Variants in SYTL3 observed in about 807,000 individuals in gnomAD.
SYTL3 encodes the protein synaptotagmin-like protein 3.
SYTL3 carries 88 observed loss-of-function variants against 82.1 expected under a neutral mutation model. That is an observed-to-expected ratio of 1.07 (90% CI 0.90 to 1.28). SYTL3 has a LOEUF of 1.28. SYTL3 is among the 50% of genes most tolerant of loss of function. The pLI is 0.00. For synonymous variants in SYTL3, 311 were observed against 289.4 expected, an observed-to-expected ratio of 1.07 and a Z score of -0.76; for missense variants, 831 against 757.6, an observed-to-expected ratio of 1.10 and a Z score of -1.14.
chr6:158,671,334 A>C (rs893254592), intron 5 of SYTL3, among the ~76,000 whole-genome samples: 1 of 152,148 alleles, frequency 6.6e-6, no homozygotes, highest in South Asian at 2.1e-4. Context: ...TCTTTTGTTA[A>C]TATTCTCTGT....
intron 2 of SYTL3, among the ~76,000 whole-genome samples, chr6:158,658,578 G>T (rs1788981297): frequency 6.6e-6 from 1 of 152,090 alleles, no homozygotes; most frequent in Non-Finnish European, 1.5e-5. Context: ...ATACCTCTTG[G>T]ATCGTTGCAA....
At chr6:158,720,144 G>A (rs1783910972) in intron 10 of SYTL3, among the ~76,000 whole-genome samples, 1 of 151,994 alleles carries the variant, frequency 6.6e-6, no homozygotes, top group African/African-American at 2.4e-5. Context: ...GCTCATGCCT[G>A]TAATCCCAGC....
rs117726273 is a variant in SYTL3, at chr6:158,718,762, C to T, written c.720+551C>T. Among the ~76,000 whole-genome samples, 58 of 152,326 alleles carry T rather than the reference C, an allele frequency of 3.8e-4. No homozygotes were observed. The East Asian group carries it at 0.01, about 27-fold the overall frequency. On this transcript the variant is annotated intron_variant, in intron 10 of 17. Coordinates refer to ENST00000611299, the MANE Select transcript of SYTL3 (RefSeq NM_001242394.2). Reference sequence around the variant, plus strand: ...CTAACCCAGCCTGGAGTGAACGCTTCGGGTATGAGAGAGAGCCAACCTTAG... The same window carrying T: ...CTAACCCAGCCTGGAGTGAACGCTTTGGGTATGAGAGAGAGCCAACCTTAG...
intron 9 of SYTL3, among the ~76,000 whole-genome samples, chr6:158,715,718 GC>G (rs1384712691): frequency 4.1e-5 from 6 of 147,586 alleles, no homozygotes; most frequent in African/African-American, 1.3e-4. Flanking sequence ...GTGGTGCTTG[GC>G]CTCTGACCTT....
chr6:158,710,902 T>A (rs1183029076), intron 8 of SYTL3, among the ~76,000 whole-genome samples: 2 of 151,898 alleles, frequency 1.3e-5, no homozygotes, highest in African/African-American at 4.8e-5. Context: ...TGCCTCAACC[T>A]CCTGAGTAGC....
At chr6:158,732,828 C>T (rs1409061564) in intron 11 of SYTL3, among the ~76,000 whole-genome samples, 2 of 152,086 alleles carry the variant, frequency 1.3e-5, no homozygotes, top group Non-Finnish European at 2.9e-5. Context: ...ATAATTAAAG[C>T]AGTACTTATG....
chr6:158,754,140 C>G (rs1788771579), intron 13 of SYTL3, among the ~76,000 whole-genome samples: 1 of 152,134 alleles, frequency 6.6e-6, no homozygotes, highest in East Asian at 1.9e-4. Flanking sequence ...AGAACTGTCT[C>G]CAGCCAGTTT....
chr6:158,659,358 C>A (rs898190351), intron 2 of SYTL3, among the ~76,000 whole-genome samples: 1 of 152,016 alleles, frequency 6.6e-6, no homozygotes, highest in East Asian at 1.9e-4. Flanking sequence ...TTAGTCTTTT[C>A]TTTTTTTTCT....
chr6:158,690,843 T>C (rs1441566382), intron 6 of SYTL3, among the ~76,000 whole-genome samples: 1 of 152,200 alleles, frequency 6.6e-6, no homozygotes, highest in Non-Finnish European at 1.5e-5. Flanking sequence ...CAGACCTTCA[T>C]AGGCTCTCTT....
chr6:158,692,257 CAAAAAAAAAAAAAAAAAAAAAAAAAA>C (rs571381475), intron 6 of SYTL3, among the ~76,000 whole-genome samples: 1 of 32,186 alleles, frequency 3.1e-5, no homozygotes, highest in Non-Finnish European at 6.0e-5. Context: ...GACTCCGTCT[CAAAAAAAAAAAAAAAAAAAAAAAAAA>C]AAAAAAAAAA....
intron 11 of SYTL3, among the ~76,000 whole-genome samples, chr6:158,741,162 G>A (rs1011700864): frequency 2.0e-5 from 3 of 152,126 alleles, no homozygotes; most frequent in Non-Finnish European, 4.4e-5. Flanking sequence ...CTGCCTCCTG[G>A]GTTCAAGTGA....
chr6:158,696,754 C>T (rs567161526), intron 6 of SYTL3, among the ~76,000 whole-genome samples: 97 of 151,924 alleles, frequency 6.4e-4, no homozygotes, highest in African/African-American at 1.9e-3. Flanking sequence ...GGAGGACTCA[C>T]GCTTCCAGAT....
rs138798431 is a variant in SYTL3 at position 158,760,684 on chromosome 6, C to G, written c.1353C>G (p.Leu451=). 2 of 1,614,140 alleles carry G rather than the reference C, an allele frequency of 1.2e-6. No individual in the cohort carries two copies. The highest frequency in any genetic ancestry group is 1.1e-5 in the South Asian group (1 of 91,074). ...EDSVPQSNGE[L]TVRAKLVLPS... ...GCGTTCCTCAGAGTAATGGAGAGCT[C>G]ACAGTCCGGGCTAAGCTGGTTCTCC... Residue 451 remains leucine, a synonymous_variant, in exon 15 of 18, where the codon CTC becomes CTG. Transcript: ENST00000611299.
rs750891007 is a variant in SYTL3, at chr6:158,764,666, C to A, written c.*62C>A. On this transcript the variant is annotated 3_prime_UTR_variant, in exon 18 of 18. Transcript: ENST00000611299. ...GAGGCACTGTGCGTCTGCAGAGGGG[C>A]TACGAACCAGGTGCAGGGTCCCAGC... is the stretch of plus-strand genomic sequence containing the variant. 3 of 1,236,460 alleles carry A rather than the reference C, an allele frequency of 2.4e-6. No individual in the cohort carries two copies. Among genetic ancestry groups the A allele is most frequent in the East Asian group, 2.3e-5 (1 of 42,954 alleles). 76.6% of individuals were successfully genotyped at this position (1,236,460 alleles called of 1,614,324 possible). A position where few individuals can be genotyped will look rare whatever the true frequency, so the allele number is the denominator to read the frequency against.
chr6:158,652,958 C>T (rs903223200), intron 2 of SYTL3, among the ~76,000 whole-genome samples: 2 of 152,134 alleles, frequency 1.3e-5, no homozygotes, highest in Admixed American at 6.5e-5. Context: ...TGGACAGGGC[C>T]GTGCAAATAA....
chr6:158,692,978 C>T (rs78596230), intron 6 of SYTL3, among the ~76,000 whole-genome samples: 7,915 of 151,964 alleles, frequency 0.052, 377 homozygotes, highest in African/African-American at 0.13. Context: ...AAGCAGGTGT[C>T]AGTCAATACG....
At chr6:158,733,484 G>C (rs567032468) in intron 11 of SYTL3, among the ~76,000 whole-genome samples, 1 of 151,830 alleles carries the variant, frequency 6.6e-6, no homozygotes, top group Non-Finnish European at 1.5e-5. Context: ...CCGCCACCAC[G>C]CCCGGCTAAT....
At chr6:158,693,802 A>G (rs1348367734) in intron 6 of SYTL3, among the ~76,000 whole-genome samples, 1 of 115,030 alleles carries the variant, frequency 8.7e-6, no homozygotes, top group Non-Finnish European at 1.8e-5. Context: ...GCCGGCCTCC[A>G]AAAGTGCTGG....
In SYTL3 at chr6:158,745,476, T is replaced by C; in HGVS notation, c.856-4T>C. On this transcript the variant is annotated splice_region_variant and splice_polypyrimidine_tract_variant and intron_variant, in intron 11 of 17. Coordinates refer to ENST00000611299, the MANE Select transcript of SYTL3 (RefSeq NM_001242394.2). Reference sequence around the variant, plus strand: ...CTTATTATATCTGTTATTCTTGATTTCAGGGAAGTTTAATTAGCATTGACA... The same window carrying C: ...CTTATTATATCTGTTATTCTTGATTCCAGGGAAGTTTAATTAGCATTGACA... 1 of 1,606,300 alleles carries C rather than the reference T, an allele frequency of 6.2e-7. No homozygotes were observed. Among genetic ancestry groups the C allele is most frequent in the Non-Finnish European group, 8.5e-7 (1 of 1,178,004 alleles).
Sources: allele counts gnomAD v4.1 joint callset (sites outside exome capture counted in the v4.1 genomes callset), GRCh38; gene constraint gnomAD v4.1.1; transcripts MANE v1.5; gene names NCBI Gene and HGNC (gene_info 2026-07-23, HGNC 2026-07-21).